Variants in GRK7 observed in about 807,000 individuals in gnomAD.
GRK7 encodes the protein G protein-coupled receptor kinase 7, also known as rhodopsin kinase GRK7.
GRK7 carries 24 observed loss-of-function variants against 34.1 expected under a neutral mutation model. That is an observed-to-expected ratio of 0.70 (90% CI 0.51 to 0.99). The LOEUF (loss-of-function observed/expected upper bound fraction) is 0.99. GRK7 is among the 50% of genes least tolerant of loss of function. The pLI, the probability that GRK7 is intolerant of heterozygous loss-of-function variation, is 0.00. For synonymous variants in GRK7, 256 were observed against 279.4 expected (o/e 0.92, Z 0.84); for missense variants, 644 against 707.3 (o/e 0.91, Z 1.02).
chr3:141,778,980 A>C lies in GRK7; in HGVS notation c.612+84A>C. 3.4e-5 allele frequency: 45 copies of C among 1,318,850 alleles called. No individual in the cohort carries two copies. Among genetic ancestry groups the C allele is most frequent in the Non-Finnish European group, 4.2e-5 (40 of 957,130 alleles). 81.7% of individuals were successfully genotyped at this position (1,318,850 alleles called of 1,614,324 possible). On this transcript the variant is annotated intron_variant, in intron 3 of 5. Coordinates refer to ENST00000682958, the MANE Select transcript of GRK7 (RefSeq NM_139209.3). The surrounding 1 kb of genome is among the most constrained non-coding windows in gnomAD (Gnocchi z 4.1). Reference sequence around the variant, plus strand: ...TGTTGCCTTTCTTTTTTTAAATCTCAGTTACTTAGAACTAATTTCAGCACC... The same window carrying C: ...TGTTGCCTTTCTTTTTTTAAATCTCCGTTACTTAGAACTAATTTCAGCACC...
rs7623071 is a variant in GRK7, at chr3:141,819,195, G to A, written c.*2145G>A. 0.047 allele frequency among the ~76,000 whole-genome samples: 7,225 copies of A among 152,154 alleles called. 536 individuals are homozygous for A. Among genetic ancestry groups the A allele is most frequent in the African/African-American group, 0.16 (6,743 of 41,456 alleles). On this transcript the variant is annotated 3_prime_UTR_variant, in exon 6 of 6. Coordinates refer to ENST00000682958, the MANE Select transcript of GRK7 (RefSeq NM_139209.3). ...GTTCTCAGGATTGGGCTTTATAGAC[G>A]TTAGACATTTAAAAACAACATTGGT...
intron 1 of GRK7, among the ~76,000 whole-genome samples, chr3:141,773,684 G>T (rs901037591): frequency 2.6e-5 from 4 of 152,070 alleles, no homozygotes; most frequent in Non-Finnish European, 4.4e-5. Context: ...AAAGTGCTGG[G>T]ATTACAGGCA....
rs144130009 is a variant in GRK7 at position 141,816,925 on chromosome 3, G to A, written c.1537G>A (p.Val513Ile). The change falls in exon 6 of 6, where the codon GTT becomes ATT. Residue 513 changes from valine to isoleucine, a missense_variant. Physicochemically the swap from Val to Ile is conservative, Grantham distance 29. Transcript: ENST00000682958. ...CTTCAAAAACTTTGCGACAGGTGCT[G>A]TTCCTATAGCATGGCAGGAAGAAAT... is the stretch of plus-strand genomic sequence containing the variant. Reference protein sequence around the residue: ...QFFKNFATGAVPIAWQEEIIE... With the variant: ...QFFKNFATGAIPIAWQEEIIE... 1.4e-5 allele frequency: 22 copies of A among 1,614,008 alleles called. No homozygotes were observed. The highest frequency in any genetic ancestry group is 4.0e-5 in the African/African-American group (3 of 74,910).
chr3:141,770,778 A>G (rs2084613491), intron 1 of GRK7, among the ~76,000 whole-genome samples: 1 of 152,176 alleles, frequency 6.6e-6, no homozygotes, highest in Admixed American at 6.5e-5. Flanking sequence ...ATGTTGAGAA[A>G]GGGAATGCTT....
Position 141,768,270 on chromosome 3 carries a change from C to CAT in GRK7, c.-215+2532_-215+2533insAT, listed in dbSNP as rs1172004407. Among the ~76,000 whole-genome samples, 4 of 145,394 alleles carry CAT rather than the reference C, an allele frequency of 2.8e-5. No homozygotes were observed. In the East Asian group the frequency reaches 8.1e-4, roughly 29 times the overall value. On this transcript the variant is annotated intron_variant, in intron 1 of 5. Coordinates refer to ENST00000682958, the MANE Select transcript of GRK7 (RefSeq NM_139209.3). ...CTCTAACCTGGATCCTTCCTGTCAGCCTTTTTTTTTTTTTTTTGAGACGGA... is the reference window on the plus strand; with the variant it reads ...CTCTAACCTGGATCCTTCCTGTCAGCATCTTTTTTTTTTTTTTTTGAGACGGA...
intron 5 of GRK7, among the ~76,000 whole-genome samples, chr3:141,814,664 G>A (rs1711130795): frequency 6.6e-6 from 1 of 152,086 alleles, no homozygotes; most frequent in Non-Finnish European, 1.5e-5. Context: ...CTTTGCTATT[G>A]TGAATGGTGC....
At position 141,780,610 on chromosome 3, in the gene GRK7, G is replaced by T. The variant is rs2084667297; in HGVS notation, c.849G>T (p.Val283=). The part of the protein sequence containing the change: ...GGDLKFHIYN[V]GTRGLDMSRV... ...ACCTCAAGTTCCACATCTACAACGT[G>T]GGCACGCGTGGCCTGGACATGAGCC... is the stretch of plus-strand genomic sequence containing the variant. Residue 283 remains valine, a synonymous_variant, in exon 4 of 6, where the codon GTG becomes GTT. Transcript: ENST00000682958. 1.2e-6 allele frequency: 2 copies of T among 1,614,082 alleles called. No individual in the cohort carries two copies. Among genetic ancestry groups the T allele is most frequent in the African/African-American group, 2.7e-5 (2 of 74,934 alleles).
chr3:141,754,924 A>T, the GRK7 span, among the ~76,000 whole-genome samples: 3 of 152,220 alleles, frequency 2.0e-5, no homozygotes, highest in Non-Finnish European at 2.9e-5. Context: ...TTTTTTAAAT[A>T]GGCTTTTAAA....
Position 141,802,365 on chromosome 3 carries a change from G to GCCACACAC in GRK7, c.1051-5280_1051-5279insCCACACAC, listed in dbSNP as rs1577923831. Among the ~76,000 whole-genome samples the GCCACACAC allele has an allele frequency of 2.9e-4, 10 of 34,220 alleles. No individual in the cohort carries two copies. The South Asian group carries it at 3.5e-3, about 12-fold the overall frequency. The allele number at this position is 34,220 out of a possible 152,430, so 22.4% of individuals were successfully genotyped here. A position where few individuals can be genotyped will look rare whatever the true frequency, so the allele number is the denominator to read the frequency against. ...TGAAACTCTCTTTCTCTCTTTCTCTGTCACACACACACACACACACACACA... is the reference window on the plus strand; with the variant it reads ...TGAAACTCTCTTTCTCTCTTTCTCTGCCACACACTCACACACACACACACACACACACA... On this transcript the variant is annotated intron_variant, in intron 4 of 5. Coordinates refer to ENST00000682958, the MANE Select transcript of GRK7 (RefSeq NM_139209.3).
rs192804290 is a variant in GRK7 at position 141,791,138 on chromosome 3, G to A, written c.1050+10327G>A. 1.5e-3 allele frequency among the ~76,000 whole-genome samples: 231 copies of A among 152,300 alleles called. 1 individual carries two copies. The highest frequency in any genetic ancestry group is 2.2e-3 in the Non-Finnish European group (152 of 68,034). Reference sequence around the variant, plus strand: ...ATAGTGACCCAGAAGCTTGTTACATGTTTAGATACCTGGTCCTGCCTTGAA... The same window carrying A: ...ATAGTGACCCAGAAGCTTGTTACATATTTAGATACCTGGTCCTGCCTTGAA... On this transcript the variant is annotated intron_variant, in intron 4 of 5. Coordinates refer to ENST00000682958, the MANE Select transcript of GRK7 (RefSeq NM_139209.3).
At chr3:141,761,930 C>A (rs1333368009), upstream of GRK7, among the ~76,000 whole-genome samples, 3 of 133,778 alleles carry the variant, frequency 2.2e-5, no homozygotes, top group East Asian at 6.6e-4. Flanking sequence ...CTTCTGCATT[C>A]TTCACGTAGT....
chr3:141,784,496 A>G (rs942238204), intron 4 of GRK7, among the ~76,000 whole-genome samples: 7 of 152,188 alleles, frequency 4.6e-5, no homozygotes, highest in African/African-American at 1.4e-4. Flanking sequence ...GAGAAGAGAA[A>G]GGAAGGCCTC....
intron 4 of GRK7, 76 bp from the exon 5 acceptor site, chr3:141,807,569 C>T: frequency 8.0e-7 from 1 of 1,256,134 alleles, no homozygotes; most frequent in Non-Finnish European, 1.1e-6. Context: ...ATTAGGTAGG[C>T]AGTCAGCAGT....
chr3:141,807,129 G>A (rs187291870), intron 4 of GRK7, among the ~76,000 whole-genome samples: 43 of 152,178 alleles, frequency 2.8e-4, no homozygotes, highest in East Asian at 1.9e-3. Context: ...AGAGGTGTGC[G>A]ATGTTAATGT....
chr3:141,752,420 T>G, the GRK7 span, among the ~76,000 whole-genome samples: 1 of 152,048 alleles, frequency 6.6e-6, no homozygotes, highest in Non-Finnish European at 1.5e-5. Context: ...CTGCTAAACG[T>G]CCACAAGGCA....
chr3:141,750,709 G>C, the GRK7 span, among the ~76,000 whole-genome samples: 1,242 of 151,370 alleles, frequency 8.2e-3, 24 homozygotes, highest in African/African-American at 0.027. Context: ...TGTGTGTGCA[G>C]CTACAACCTG....
chr3:141,758,828 C>T (rs1260795212), upstream of GRK7, among the ~76,000 whole-genome samples: 1 of 151,622 alleles, frequency 6.6e-6, no homozygotes, highest in Non-Finnish European at 1.5e-5. Flanking sequence ...TCTTTTATTT[C>T]CTTGAGCAGT....
At chr3:141,769,996 C>T (rs1000603620) in intron 1 of GRK7, among the ~76,000 whole-genome samples, 1 of 152,220 alleles carries the variant, frequency 6.6e-6, no homozygotes. Flanking sequence ...CCCACTGCAA[C>T]CTCTGCCTCC....
intron 4 of GRK7, among the ~76,000 whole-genome samples, chr3:141,785,208 A>G (rs1362396147): frequency 6.6e-6 from 1 of 152,248 alleles, no homozygotes; most frequent in Non-Finnish European, 1.5e-5. Flanking sequence ...TTAAGGCATC[A>G]TGGCTTTGGA....
Sources: gnomAD v4.1 joint callset for allele counts (sites outside exome capture counted in the v4.1 genomes callset) on GRCh38, gnomAD v4.1.1 for gene constraint, Gnocchi (gnomAD v3.1) non-coding constraint, MANE v1.5 for transcripts, NCBI Gene and HGNC (gene_info 2026-07-23, HGNC 2026-07-21) for gene names.